PAK1IP1: variants seen among roughly 807,000 people sequenced by gnomAD.
PAK1IP1 encodes the protein PAK1 interacting protein 1, also known as p21-activated protein kinase-interacting protein 1.
In PAK1IP1, 24 loss-of-function variants were observed where a neutral mutation model predicts 42.0. The ratio of observed to expected loss-of-function variants is 0.57; its 90% CI spans 0.41 to 0.80. The LOEUF (loss-of-function observed/expected upper bound fraction) is 0.80. PAK1IP1 is among the 30% of genes least tolerant of loss of function. The pLI is 0.00. For missense variants in PAK1IP1, 411 were observed against 467.9 expected (o/e 0.88, Z 1.12); for synonymous variants, 154 against 156.7 (o/e 0.98, Z 0.13).
upstream of PAK1IP1, chr6:10,694,654 T>C: frequency 4.1e-6 from 1 of 245,554 alleles, no homozygotes; most frequent in South Asian, 5.4e-5. Context: ...AATGAAGGGC[T>C]TCGCAGAGGA....
chr6:10,706,018 C>A (rs1770193450), intron 7 of PAK1IP1, among the ~76,000 whole-genome samples: 1 of 152,124 alleles, frequency 6.6e-6, no homozygotes, highest in Non-Finnish European at 1.5e-5. Flanking sequence ...TTATGAAATA[C>A]TACACGAAGT....
At chr6:10,701,438 C>T (rs1770023859) in intron 2 of PAK1IP1, among the ~76,000 whole-genome samples, 1 of 152,234 alleles carries the variant, frequency 6.6e-6, no homozygotes, top group African/African-American at 2.4e-5. Flanking sequence ...ACTCCATCCA[C>T]ATCCCTGCAA....
chr6:10,707,200 A>G (rs1230371837), intron 7 of PAK1IP1, among the ~76,000 whole-genome samples: 1 of 152,174 alleles, frequency 6.6e-6, no homozygotes, highest in Non-Finnish European at 1.5e-5. Context: ...TTTCCTTCAG[A>G]TATGGTTGGC....
upstream of PAK1IP1, among the ~76,000 whole-genome samples, chr6:10,691,916 T>C (rs1408916055): frequency 6.6e-6 from 1 of 152,196 alleles, no homozygotes; most frequent in Non-Finnish European, 1.5e-5. Context: ...GAACCAACTA[T>C]ATTCTAAAAT....
intron 2 of PAK1IP1, among the ~76,000 whole-genome samples, 173 bp from the exon 3 acceptor site, chr6:10,702,196 T>C (rs1299894827): frequency 2.0e-5 from 3 of 148,972 alleles, no homozygotes; most frequent in Non-Finnish European, 1.5e-5. Context: ...GATAAGATCA[T>C]GCCATAGCAC....
intron 4 of PAK1IP1, 35 bp downstream of exon 4, chr6:10,702,674 G>T: frequency 6.9e-7 from 1 of 1,457,024 alleles, no homozygotes; most frequent in Non-Finnish European, 9.6e-7. Context: ...TTTATCTAAG[G>T]TGTGTGTTTT....
At chr6:10,698,937 G>A (rs1376102530) in intron 2 of PAK1IP1, among the ~76,000 whole-genome samples, 3 of 152,088 alleles carry the variant, frequency 2.0e-5, no homozygotes, top group Non-Finnish European at 2.9e-5. Flanking sequence ...GCGGTGGCTC[G>A]CGCCTGTAAT....
At chr6:10,700,003 A>C (rs1769976263) in intron 2 of PAK1IP1, among the ~76,000 whole-genome samples, 1 of 151,976 alleles carries the variant, frequency 6.6e-6, no homozygotes, top group Non-Finnish European at 1.5e-5. Context: ...TGTAAGGTCA[A>C]GCTTGAGAGT....
chr6:10,691,782 G>A (rs138175926), upstream of PAK1IP1, among the ~76,000 whole-genome samples: 38 of 152,224 alleles, frequency 2.5e-4, 1 homozygote, highest in East Asian at 7.0e-3. Context: ...ACTAGATGTT[G>A]TCTAAGTCCT....
At chr6:10,709,202 AG>A in intron 9 of PAK1IP1, 35 bp from the exon 10 acceptor site, 1 of 1,561,644 alleles carries the variant, frequency 6.4e-7, no homozygotes, top group Non-Finnish European at 8.7e-7. Context: ...AGGGGAAAAC[AG>A]TCTTTTTTTA....
At chr6:10,695,103 CG>C (rs1354344565) in intron 1 of PAK1IP1, 34 bp downstream of exon 1, 2 of 1,446,634 alleles carry the variant, frequency 1.4e-6, no homozygotes, top group African/African-American at 1.4e-5. Flanking sequence ...CAGTCGGAGG[CG>C]GGGCCGGGAA....
At chr6:10,697,947 A>G (rs966575213) in intron 2 of PAK1IP1, among the ~76,000 whole-genome samples, 3 of 151,920 alleles carry the variant, frequency 2.0e-5, no homozygotes, top group Non-Finnish European at 4.4e-5. Flanking sequence ...GTATTGGGAG[A>G]CAGAAAGGAG....
intron 3 of PAK1IP1, 33 bp from the exon 4 acceptor site, chr6:10,702,532 C>T: frequency 6.2e-7 from 1 of 1,613,986 alleles, no homozygotes; most frequent in Non-Finnish European, 8.5e-7. Flanking sequence ...ATGTGCCAGT[C>T]AAGTTGGGGA....
chr6:10,701,369 G>A (rs1770021342), intron 2 of PAK1IP1, among the ~76,000 whole-genome samples: 1 of 152,176 alleles, frequency 6.6e-6, no homozygotes, highest in South Asian at 2.1e-4. Context: ...GAGCCACCTC[G>A]CCTAGCCAGT....
At chr6:10,694,192 A>G (rs1769627092), upstream of PAK1IP1, among the ~76,000 whole-genome samples, 1 of 148,952 alleles carries the variant, frequency 6.7e-6, no homozygotes, top group African/African-American at 2.5e-5. Context: ...CCCGGGAGGC[A>G]GAGGTTGCGG....
chr6:10,706,906 GAAAA>G (rs1189769443), intron 7 of PAK1IP1, among the ~76,000 whole-genome samples: 1 of 150,010 alleles, frequency 6.7e-6, no homozygotes, highest in East Asian at 1.9e-4. Flanking sequence ...AAAAAAAAAA[GAAAA>G]AGAAAGAAAA....
intron 4 of PAK1IP1, 140 bp from the exon 5 acceptor site, chr6:10,703,265 A>C: frequency 3.3e-6 from 2 of 614,984 alleles, no homozygotes; most frequent in South Asian, 4.2e-5. Flanking sequence ...ATTTCAAAAT[A>C]TTGCTGTAAG....
intron 8 of PAK1IP1, 103 bp from the exon 9 acceptor site, chr6:10,708,850 T>C (rs1581587980): frequency 2.1e-6 from 2 of 951,712 alleles, no homozygotes; most frequent in East Asian, 5.0e-5. Flanking sequence ...ATATCATATT[T>C]TGTACTCAAG....
chr6:10,703,618 A>G (rs1401129713), intron 5 of PAK1IP1, among the ~76,000 whole-genome samples, 161 bp downstream of exon 5: 1 of 152,210 alleles, frequency 6.6e-6, no homozygotes. Flanking sequence ...TTCATACACA[A>G]AATTATTTAA....
Sources: gnomAD v4.1 joint callset for allele counts (sites outside exome capture counted in the v4.1 genomes callset) on GRCh38, gnomAD v4.1.1 for gene constraint, MANE v1.5 for transcripts, NCBI Gene and HGNC (gene_info 2026-07-23, HGNC 2026-07-21) for gene names.